Variants in DERL2 observed in about 807,000 individuals in gnomAD.
The protein encoded by DERL2 is derlin-2.
A neutral mutation model predicts 32.0 loss-of-function variants in DERL2; 13 were observed. The observed-to-expected ratio is 0.41, with a 90% CI of 0.26 to 0.65. The LOEUF is 0.65. Ranked by LOEUF, DERL2 falls within the 30% of genes least tolerant of loss-of-function variation. The pLI is 0.35. For missense variants in DERL2, 208 were observed against 296.3 expected, an observed-to-expected ratio of 0.70 and a Z score of 2.19; for synonymous variants, 111 against 104.7, an observed-to-expected ratio of 1.06 and a Z score of -0.37.
rs776489021 is a variant in DERL2 at position 5,481,351 on chromosome 17, C to T, written c.272G>A (p.Arg91Gln). 4 of 1,614,114 alleles carry T rather than the reference C, an allele frequency of 2.5e-6. No individual in the cohort carries two copies. The highest frequency in any genetic ancestry group is 2.2e-5 in the South Asian group (2 of 91,088). The change falls in exon 4 of 7, where the codon CGA becomes CAA. Residue 91 changes from arginine (R) to glutamine (Q), a missense_variant. Arg to Gln is a conservative substitution (Grantham distance 43). Coordinates refer to ENST00000158771, the MANE Select transcript of DERL2 (RefSeq NM_016041.5). The surrounding 1 kb of genome is among the most constrained non-coding windows in gnomAD (Gnocchi z 4.4). ...YCRMLEEGSF[R>Q]GRTADFVFMF... Reference sequence around the variant, plus strand: ...AAATACAAAGTCTGCTGTCCGACCTCGGAAAGAGCCTTCTTCTAGCATTCG... The same window carrying T: ...AAATACAAAGTCTGCTGTCCGACCTTGGAAAGAGCCTTCTTCTAGCATTCG...
intron 2 of DERL2, among the ~76,000 whole-genome samples, chr17:5,483,086 C>A (rs539752345): frequency 1.3e-5 from 2 of 152,098 alleles, no homozygotes; most frequent in East Asian, 3.9e-4. Context: ...GTCTGAAAGA[C>A]ATCATTGGGA....
Position 5,481,004 on chromosome 17 carries a change from T to C in DERL2, c.327+292A>G. ...TTTTTCTGAAAAAATAATTTATTGG[T>C]TTTGGTAGCCACCAAGTAAATGTCT... On this transcript the variant is annotated intron_variant, in intron 4 of 6. Transcript: ENST00000158771. This position sits in a 1 kb window ranked among gnomAD's most constrained non-coding sequence, Gnocchi z 4.4. The C allele has an allele frequency of 1.8e-6, 1 of 550,908 alleles. No homozygotes were observed. The highest frequency in any genetic ancestry group is 3.1e-5 in the East Asian group (1 of 32,744). 34.1% of individuals were successfully genotyped at this position (550,908 alleles called of 1,614,324 possible). A position where few individuals can be genotyped will look rare whatever the true frequency, so the allele number is the denominator to read the frequency against.
chr17:5,475,922 G>A (rs369831125), intron 6 of DERL2, among the ~76,000 whole-genome samples: 1 of 152,264 alleles, frequency 6.6e-6, no homozygotes, highest in Middle Eastern at 3.4e-3. Flanking sequence ...GCTGGGGTGG[G>A]GAGTTGTTTA....
At chr17:5,480,299 G>A (rs554579772) in intron 5 of DERL2, 88 bp downstream of exon 5, 16 of 1,379,816 alleles carry the variant, frequency 1.2e-5, no homozygotes, top group African/African-American at 1.0e-4. Context: ...TAGGTAATAC[G>A]TGAAGGCCAA....
At chr17:5,483,998 A>T (rs1459386015) in intron 2 of DERL2, among the ~76,000 whole-genome samples, 1 of 152,246 alleles carries the variant, frequency 6.6e-6, no homozygotes, top group Non-Finnish European at 1.5e-5. Flanking sequence ...CATCCTAGTG[A>T]GGAGACAAGC....
intron 6 of DERL2, among the ~76,000 whole-genome samples, chr17:5,475,755 G>C (rs1208207823): frequency 6.6e-6 from 1 of 152,062 alleles, no homozygotes; most frequent in African/African-American, 2.4e-5. Context: ...TCAAAAAAAA[G>C]GAAGGAAATT....
chr17:5,476,843 G>A lies in DERL2; in HGVS notation c.615-2054C>T, dbSNP rs1177291249. 3.3e-5 allele frequency among the ~76,000 whole-genome samples: 5 copies of A among 152,146 alleles called. No homozygotes were observed. The South Asian group carries it at 6.2e-4, about 19-fold the overall frequency. On this transcript the variant is annotated intron_variant, in intron 6 of 6. Coordinates refer to ENST00000158771, the MANE Select transcript of DERL2 (RefSeq NM_016041.5). ...CCTTCTACTGCCCAAACATTAGCAG[G>A]ATGGGGGTGGGGGCACAGCCTGGTA...
At chr17:5,476,622 A>C (rs1302385356) in intron 6 of DERL2, among the ~76,000 whole-genome samples, 1 of 152,146 alleles carries the variant, frequency 6.6e-6, no homozygotes, top group Non-Finnish European at 1.5e-5. Flanking sequence ...TCTCTACTAA[A>C]AATACAAAAT....
rs961920507 is a variant in DERL2, at chr17:5,481,648, T to C, written c.234-259A>G. On this transcript the variant is annotated intron_variant, in intron 3 of 6. Transcript: ENST00000158771. The surrounding 1 kb of genome is among the most constrained non-coding windows in gnomAD (Gnocchi z 4.4). ...ACACAGACATGCTTTCAGTCCCCTA[T>C]TCTTTTTTTTTTTTCTTTTGAGACA... 2.6e-5 allele frequency among the ~76,000 whole-genome samples: 4 copies of C among 151,700 alleles called. No homozygotes were observed. Among genetic ancestry groups the C allele is most frequent in the African/African-American group, 7.3e-5 (3 of 41,362 alleles).
rs564216527 is a variant in DERL2, at chr17:5,476,140, T to C, written c.615-1351A>G. Among the ~76,000 whole-genome samples, 21 of 152,262 alleles carry C rather than the reference T, an allele frequency of 1.4e-4. No homozygotes were observed. In the East Asian group the frequency reaches 2.7e-3, roughly 20 times the overall value. On this transcript the variant is annotated intron_variant, in intron 6 of 6. Transcript: ENST00000158771. The stretch of plus-strand genomic sequence containing the variant: ...AATTACTGCAGAACATAGGAGGGGA[T>C]AGTAAATGTCCAAAAGACTCCCTAA...
chr17:5,480,371 G>C lies in DERL2; in HGVS notation c.523+16C>G. On this transcript the variant is annotated intron_variant, in intron 5 of 6. Coordinates refer to ENST00000158771, the MANE Select transcript of DERL2 (RefSeq NM_016041.5). ...TACAGGTAAAATAATTTAAAAAATAGTGAGAAGAGCCTTACCCAAAAGGTC... is the reference window on the plus strand; with the variant it reads ...TACAGGTAAAATAATTTAAAAAATACTGAGAAGAGCCTTACCCAAAAGGTC... 6.3e-7 allele frequency: 1 copy of C among 1,586,558 alleles called. No homozygotes were observed. Among genetic ancestry groups the C allele is most frequent in the Non-Finnish European group, 8.5e-7 (1 of 1,171,802 alleles).
chr17:5,474,910 A>G lies in DERL2; in HGVS notation c.615-121T>C. The G allele has an allele frequency of 3.7e-6, 2 of 541,410 alleles. No individual in the cohort carries two copies. The highest frequency in any genetic ancestry group is 6.6e-5 in the East Asian group (2 of 30,414). The allele number at this position is 541,410 out of a possible 1,614,324, so 33.5% of individuals were successfully genotyped here. On this transcript the variant is annotated intron_variant, in intron 6 of 6. Transcript: ENST00000158771. This position sits in a 1 kb window ranked among gnomAD's most constrained non-coding sequence, Gnocchi z 4.3. Reference sequence around the variant, plus strand: ...AGGTAAGCATTACACCTGCCTGCCAATTAAACAGTTAACATATTGTAAGAG... The same window carrying G: ...AGGTAAGCATTACACCTGCCTGCCAGTTAAACAGTTAACATATTGTAAGAG...
chr17:5,485,776 G>T, intron 1 of DERL2: 1 of 350,454 alleles, frequency 2.9e-6, no homozygotes, highest in East Asian at 4.4e-5. Flanking sequence ...CTGGCCATTG[G>T]CAGAGCTCTC....
chr17:5,479,561 T>C (rs560370358), intron 6 of DERL2, among the ~76,000 whole-genome samples: 59 of 141,716 alleles, frequency 4.2e-4, no homozygotes, highest in African/African-American at 1.5e-3. Context: ...CTCAGGAAAC[T>C]GAAGTGCAAA....
chr17:5,480,472 A>G lies in DERL2; in HGVS notation c.438T>C (p.Leu146=), dbSNP rs368804550. 2 of 1,612,568 alleles carry G rather than the reference A, an allele frequency of 1.2e-6. No homozygotes were observed. The highest frequency in any genetic ancestry group is 8.5e-7 in the Non-Finnish European group (1 of 1,179,596). The change falls in exon 5 of 7, where the codon CTT becomes CTC. Residue 146 remains leucine, a synonymous_variant. Transcript: ENST00000158771. ...NPYVRMNFFG[L]LNFQAPFLPW... ...GCAGAAAGGGGGCCTGGAAGTTGAG[A>G]AGGCCGAAGAAGTTCATGCGGACAT...
At position 5,479,695 on chromosome 17, in the gene DERL2, C is replaced by A. The variant is rs141044017; in HGVS notation, c.614+359G>T. 2.6e-5 allele frequency among the ~76,000 whole-genome samples: 4 copies of A among 152,230 alleles called. No individual in the cohort carries two copies. The East Asian group carries it at 5.8e-4, about 22-fold the overall frequency. On this transcript the variant is annotated intron_variant, in intron 6 of 6. Transcript: ENST00000158771. ...CTGCTTGGCAGGCCACAAAGTCCAC[C>A]ATCAGAAACTTTCATCAGTTTTGCC...
chr17:5,480,686 G>T, intron 4 of DERL2, 104 bp from the exon 5 acceptor site: 1 of 1,065,534 alleles, frequency 9.4e-7, no homozygotes, highest in Non-Finnish European at 1.3e-6. Flanking sequence ...AATTGGAAAA[G>T]TCAAGTTGTT....
At chr17:5,475,724 G>A (rs1451298557) in intron 6 of DERL2, among the ~76,000 whole-genome samples, 1 of 152,060 alleles carries the variant, frequency 6.6e-6, no homozygotes, top group African/African-American at 2.4e-5. Flanking sequence ...ACTCCAGCCT[G>A]GGCGACAGAG....
chr17:5,485,987 C>G lies in DERL2; in HGVS notation c.93+82G>C, dbSNP rs754576837. 13 of 1,366,548 alleles carry G rather than the reference C, an allele frequency of 9.5e-6. No homozygotes were observed. In the African/African-American group the frequency reaches 1.7e-4, roughly 18 times the overall value. The allele number at this position is 1,366,548 out of a possible 1,614,324, so 84.7% of individuals were successfully genotyped here. On this transcript the variant is annotated intron_variant, in intron 1 of 6. Coordinates refer to ENST00000158771, the MANE Select transcript of DERL2 (RefSeq NM_016041.5). ...CCCCGGGACCAGCCCCTCTGGGCCT[C>G]CCCGAGGCCCAAACCCCAGTTTCCT...
Sources: gnomAD v4.1 joint callset for allele counts (sites outside exome capture counted in the v4.1 genomes callset) on GRCh38, gnomAD v4.1.1 for gene constraint, Gnocchi (gnomAD v3.1) non-coding constraint, MANE v1.5 for transcripts, NCBI Gene and HGNC (gene_info 2026-07-23, HGNC 2026-07-21) for gene names.